NRXN3: variants seen among roughly 807,000 people sequenced by gnomAD.
The protein encoded by NRXN3 is neurexin III.
A neutral mutation model predicts 137.6 loss-of-function variants in NRXN3; 32 were observed. The observed-to-expected ratio is 0.23, with a 90% CI of 0.18 to 0.31. The LOEUF is 0.31. Among genes scored for constraint, NRXN3 ranks in the 10% least tolerant of loss-of-function variants. The pLI, the probability that NRXN3 is intolerant of heterozygous loss-of-function variation, is 1.00. For synonymous variants in NRXN3, 798 were observed against 784.5 expected, an observed-to-expected ratio of 1.02 and a Z score of -0.29; for missense variants, 1,574 against 2,062.5, an observed-to-expected ratio of 0.76 and a Z score of 4.59.
chr14:79,269,344 C>T (rs1244678799), intron 15 of NRXN3, among the ~76,000 whole-genome samples: 1 of 152,134 alleles, frequency 6.6e-6, no homozygotes, highest in Non-Finnish European at 1.5e-5. Flanking sequence ...CCACCGCATC[C>T]GGCCCTATTT....
intron 10 of NRXN3, among the ~76,000 whole-genome samples, chr14:78,916,425 G>T (rs574921938): frequency 6.6e-6 from 1 of 152,316 alleles, no homozygotes; most frequent in African/African-American, 2.4e-5. Flanking sequence ...GGTCACAGAA[G>T]CTTGTCCGAG....
intron 16 of NRXN3, among the ~76,000 whole-genome samples, chr14:79,553,568 G>A (rs1037047683): frequency 2.0e-5 from 3 of 152,144 alleles, no homozygotes; most frequent in Non-Finnish European, 4.4e-5. Context: ...CATTTGGTAA[G>A]TGGGATCCTG....
chr14:79,831,497 T>C (rs139588152), intron 20 of NRXN3, among the ~76,000 whole-genome samples: 1 of 152,202 alleles, frequency 6.6e-6, no homozygotes, highest in Admixed American at 6.5e-5. Flanking sequence ...AATGTATCCA[T>C]AGATTTCTTA....
intron 6 of NRXN3, among the ~76,000 whole-genome samples, chr14:78,658,435 AGTT>A (rs904381096): frequency 3.3e-5 from 5 of 152,202 alleles, no homozygotes; most frequent in East Asian, 3.9e-4. Flanking sequence ...AGGTTAATGA[AGTT>A]GTTATTTATG....
intron 16 of NRXN3, among the ~76,000 whole-genome samples, chr14:79,562,685 A>G (rs1234024840): frequency 6.6e-6 from 1 of 152,202 alleles, no homozygotes; most frequent in Non-Finnish European, 1.5e-5. Flanking sequence ...TTGCTTTAAC[A>G]TTATAATTCC....
intron 15 of NRXN3, among the ~76,000 whole-genome samples, chr14:79,271,747 G>A (rs74067954): frequency 2.0e-5 from 3 of 151,890 alleles, no homozygotes; most frequent in Admixed American, 6.6e-5. Flanking sequence ...AGGAAGCCCC[G>A]TGTGGATGAT....
chr14:79,199,755 T>C (rs1328595714), intron 15 of NRXN3, among the ~76,000 whole-genome samples: 3 of 152,158 alleles, frequency 2.0e-5, no homozygotes, highest in Non-Finnish European at 4.4e-5. Flanking sequence ...CAAACCATGG[T>C]TGGGGCCCAG....
chr14:78,458,451 C>G (rs1430160020), intron 4 of NRXN3, among the ~76,000 whole-genome samples: 1 of 152,188 alleles, frequency 6.6e-6, no homozygotes, highest in Non-Finnish European at 1.5e-5. Flanking sequence ...TGGTGCAAAA[C>G]CCTAGGCAGT....
chr14:78,615,000 C>T (rs1251271671), intron 4 of NRXN3: 1 of 456,454 alleles, frequency 2.2e-6, no homozygotes, highest in African/African-American at 2.0e-5. Context: ...TAAATGCACC[C>T]CTCTACCCAC....
intron 15 of NRXN3, among the ~76,000 whole-genome samples, chr14:79,447,365 T>A (rs2096078823): frequency 6.6e-6 from 1 of 152,148 alleles, no homozygotes; most frequent in Non-Finnish European, 1.5e-5. Flanking sequence ...AAAAATAAAA[T>A]AAATGGCTTT....
intron 4 of NRXN3, among the ~76,000 whole-genome samples, chr14:78,310,932 A>G (rs1555459180): frequency 6.6e-6 from 1 of 152,206 alleles, no homozygotes; most frequent in Non-Finnish European, 1.5e-5. Flanking sequence ...CATAAGCATT[A>G]GTTTAGTTAT....
chr14:79,280,426 C>G (rs1321333854), intron 15 of NRXN3: 15 of 1,614,124 alleles, frequency 9.3e-6, no homozygotes, highest in African/African-American at 1.3e-5. Context: ...CCTCCTCCAC[C>G]TCTTCCTCGC....
intron 15 of NRXN3, among the ~76,000 whole-genome samples, chr14:79,394,852 C>T (rs959154676): frequency 6.6e-6 from 1 of 152,230 alleles, no homozygotes; most frequent in East Asian, 1.9e-4. Context: ...GATTCAGTGA[C>T]GATAACTGAC....
chr14:79,358,480 G>A (rs1445976622), intron 15 of NRXN3, among the ~76,000 whole-genome samples: 1 of 150,868 alleles, frequency 6.6e-6, no homozygotes, highest in Non-Finnish European at 1.5e-5. Context: ...AGGCTGAGGC[G>A]GGAGAATGGT....
intron 16 of NRXN3, among the ~76,000 whole-genome samples, chr14:79,628,452 A>G (rs967335800): frequency 6.6e-6 from 1 of 152,156 alleles, no homozygotes; most frequent in African/African-American, 2.4e-5. Context: ...TATTCAACCA[A>G]TTTTGAAGAC....
At chr14:78,500,587 C>T (rs540566841) in intron 4 of NRXN3, among the ~76,000 whole-genome samples, 3 of 152,104 alleles carry the variant, frequency 2.0e-5, no homozygotes, top group Admixed American at 6.5e-5. Flanking sequence ...TGCCAACCCC[C>T]GCCAAATAGA....
chr14:79,204,049 G>T (rs772510335), intron 15 of NRXN3, among the ~76,000 whole-genome samples: 2 of 152,054 alleles, frequency 1.3e-5, no homozygotes, highest in Non-Finnish European at 2.9e-5. Flanking sequence ...GCTCTTGGGA[G>T]ACAGTGCCAG....
At chr14:79,720,320 C>A (rs2098840159) in intron 19 of NRXN3, among the ~76,000 whole-genome samples, 1 of 152,008 alleles carries the variant, frequency 6.6e-6, no homozygotes, top group Non-Finnish European at 1.5e-5. Flanking sequence ...CCTTAATAAT[C>A]CCCTTGATGC....
At chr14:78,281,018 T>G (rs1356845876) in intron 3 of NRXN3, among the ~76,000 whole-genome samples, 3 of 152,236 alleles carry the variant, frequency 2.0e-5, no homozygotes, top group Non-Finnish European at 2.9e-5. Flanking sequence ...GATTGCAGCC[T>G]AATTTCAGAT....
Sources: allele counts gnomAD v4.1 joint callset (sites outside exome capture counted in the v4.1 genomes callset), GRCh38; gene constraint gnomAD v4.1.1; transcripts MANE v1.5; gene names NCBI Gene and HGNC (gene_info 2026-07-23, HGNC 2026-07-21).